Variants in TACC2 observed in about 807,000 individuals in gnomAD.
TACC2 encodes the protein transforming acidic coiled-coil-containing protein 2.
A neutral mutation model predicts 227.3 loss-of-function variants in TACC2; 137 were observed. The ratio of observed to expected loss-of-function variants is 0.60; its 90% confidence interval spans 0.52 to 0.69. The LOEUF (loss-of-function observed/expected upper bound fraction) is 0.69. Among genes scored for constraint, TACC2 ranks in the 30% least tolerant of loss-of-function variants. TACC2 has a pLI of 0.00. For synonymous variants in TACC2, 1,523 were observed against 1,487.5 expected, an observed-to-expected ratio of 1.02 and a Z score of -0.55; for missense variants, 3,470 against 3,694.4, an observed-to-expected ratio of 0.94 and a Z score of 1.57.
chr10:122,176,726 C>T (rs558791640), intron 7 of TACC2, among the ~76,000 whole-genome samples: 2 of 152,322 alleles, frequency 1.3e-5, no homozygotes, highest in Admixed American at 1.3e-4. Flanking sequence ...GGAAAACTGG[C>T]TTCCTCCACC....
intron 5 of TACC2, among the ~76,000 whole-genome samples, chr10:122,128,134 C>T (rs543899930): frequency 4.6e-5 from 7 of 152,134 alleles, no homozygotes; most frequent in South Asian, 2.1e-4. Flanking sequence ...TCAGAGTTCT[C>T]GGTGATCAAG....
chr10:122,206,468 T>A (rs1749922680), intron 8 of TACC2, among the ~76,000 whole-genome samples: 1 of 152,128 alleles, frequency 6.6e-6, no homozygotes, highest in Non-Finnish European at 1.5e-5. Flanking sequence ...GGACCAGTGT[T>A]CCTATACGAA....
intron 3 of TACC2, among the ~76,000 whole-genome samples, chr10:122,066,055 CAT>C (rs1355050733): frequency 6.6e-6 from 1 of 151,658 alleles, no homozygotes; most frequent in Non-Finnish European, 1.5e-5. Context: ...TTGTAGGCAG[CAT>C]AGAGTTGGAT....
At chr10:122,002,179 A>G (rs1954456390) in intron 1 of TACC2, among the ~76,000 whole-genome samples, 1 of 152,164 alleles carries the variant, frequency 6.6e-6, no homozygotes, top group Non-Finnish European at 1.5e-5. Context: ...TCTCTCAAGT[A>G]TCTTCTTACA....
At chr10:122,122,491 C>CTTTT (rs368366143) in intron 5 of TACC2, among the ~76,000 whole-genome samples, 3 of 148,262 alleles carry the variant, frequency 2.0e-5, no homozygotes, top group African/African-American at 2.5e-5. Context: ...AAAATAATTC[C>CTTTT]TTTTTTTTTT....
chr10:122,186,979 C>T (rs889163504), intron 7 of TACC2, among the ~76,000 whole-genome samples: 6 of 152,102 alleles, frequency 3.9e-5, no homozygotes, highest in African/African-American at 1.4e-4. Context: ...TCCAGGAAGG[C>T]GTAGCAGGAT....
At chr10:122,157,833 G>T (rs1225094084) in intron 7 of TACC2, among the ~76,000 whole-genome samples, 11 of 146,604 alleles carry the variant, frequency 7.5e-5, no homozygotes. Flanking sequence ...GCCAGCAATG[G>T]TGTGTTTAAA....
At chr10:122,249,873 C>T (rs559072198) in intron 22 of TACC2, among the ~76,000 whole-genome samples, 1 of 152,378 alleles carries the variant, frequency 6.6e-6, no homozygotes, top group East Asian at 1.9e-4. Context: ...CCTGGAACTG[C>T]AGCCTGCATG....
chr10:122,026,446 T>G (rs1224777710), intron 2 of TACC2, among the ~76,000 whole-genome samples: 1 of 53,290 alleles, frequency 1.9e-5, no homozygotes. Context: ...TTTTCTGCTA[T>G]TTTTTTTTTT....
chr10:122,241,820 C>T lies in TACC2; in HGVS notation c.8349-138C>T, dbSNP rs951525043. The T allele has an allele frequency of 5.4e-5, 42 of 773,404 alleles. No homozygotes were observed. The South Asian group carries it at 5.8e-4, about 11-fold the overall frequency. 47.9% of individuals were successfully genotyped at this position (773,404 alleles called of 1,614,324 possible). Reference sequence around the variant, plus strand: ...GTCACGCACCAGGAAAATGAGCGTGCAGGGCGAGGGCTGACATTGAAGGTG... The same window carrying T: ...GTCACGCACCAGGAAAATGAGCGTGTAGGGCGAGGGCTGACATTGAAGGTG... On this transcript the variant is annotated intron_variant, in intron 18 of 22. Coordinates refer to ENST00000369005, the MANE Select transcript of TACC2 (RefSeq NM_206862.4).
chr10:122,067,808 G>A (rs1213988780), intron 3 of TACC2, among the ~76,000 whole-genome samples: 1 of 152,204 alleles, frequency 6.6e-6, no homozygotes, highest in African/African-American at 2.4e-5. Flanking sequence ...CCTGAACACC[G>A]GCCCTCGCTG....
rs151027528 is a variant in TACC2, at chr10:122,205,658, A to C, written c.5972-4739A>C. On this transcript the variant is annotated intron_variant, in intron 8 of 22. Coordinates refer to ENST00000369005, the MANE Select transcript of TACC2 (RefSeq NM_206862.4). This position sits in a 1 kb window ranked among gnomAD's most constrained non-coding sequence, Gnocchi z 4.5. ...AGGCGCACCTGTGGCACCTGTTACG[A>C]TGGGGGCCCTGAGCCCCCACCCCAG... 1.8e-4 allele frequency among the ~76,000 whole-genome samples: 28 copies of C among 152,298 alleles called. No homozygotes were observed. Among genetic ancestry groups the C allele is most frequent in the African/African-American group, 6.3e-4 (26 of 41,580 alleles).
chr10:122,016,273 GA>G (rs67951878), intron 1 of TACC2, among the ~76,000 whole-genome samples: 75,554 of 122,638 alleles, frequency 0.62, 22,002 homozygotes, highest in African/African-American at 0.71. Flanking sequence ...AAAAAAAAAG[GA>G]AAAAAAAAAA....
intron 2 of TACC2, among the ~76,000 whole-genome samples, chr10:122,030,581 A>G (rs1958815285): frequency 6.6e-6 from 1 of 152,058 alleles, no homozygotes; most frequent in African/African-American, 2.4e-5. Flanking sequence ...CTCACCTCCT[A>G]CCAGCTCCTG....
intron 7 of TACC2, among the ~76,000 whole-genome samples, chr10:122,166,586 G>A (rs2093174946): frequency 6.6e-6 from 1 of 152,116 alleles, no homozygotes; most frequent in Non-Finnish European, 1.5e-5. Flanking sequence ...CTTCCCAAAG[G>A]GGCTTGCTAG....
intron 7 of TACC2, among the ~76,000 whole-genome samples, chr10:122,183,998 G>A (rs2094079860): frequency 6.6e-6 from 1 of 152,174 alleles, no homozygotes; most frequent in Non-Finnish European, 1.5e-5. Context: ...CTGAAACCGT[G>A]AATAGTCAGG....
At chr10:122,029,893 A>G (rs1008462073) in intron 2 of TACC2, among the ~76,000 whole-genome samples, 1 of 150,294 alleles carries the variant, frequency 6.7e-6, no homozygotes, top group Non-Finnish European at 1.5e-5. Context: ...ACTGGCTGCA[A>G]ACAAGATAGA....
In TACC2 at chr10:122,178,729, C is replaced by T. The variant is rs779059604; in HGVS notation, c.5835-16311C>T. Among the ~76,000 whole-genome samples the T allele has an allele frequency of 8.9e-4, 136 of 152,050 alleles. 1 individual carries two copies. The highest frequency in any genetic ancestry group is 1.4e-3 in the Non-Finnish European group (97 of 68,002). On this transcript the variant is annotated intron_variant, in intron 7 of 22. Transcript: ENST00000369005. ...TGAAACCTCGTCTCTACTAAAATTA[C>T]AAAAAATCAGCCATGGGGTTGTGCG...
rs769340180 is a variant in TACC2, at chr10:122,132,711, C to G, written c.5676C>G (p.Val1892=). ...ACCACGGTGATGTTGTTGGCCAGGTCTCTACGGATCTGATAGCCCAGAGGT... is the reference window on the plus strand; with the variant it reads ...ACCACGGTGATGTTGTTGGCCAGGTGTCTACGGATCTGATAGCCCAGAGGT... The part of the protein sequence containing the change: ...SSYHGDVVGQ[V]STDLIAQSIS... Residue 1892 remains valine (V), a synonymous_variant, in exon 6 of 23, where the codon GTC becomes GTG. Transcript: ENST00000369005. The G allele has an allele frequency of 4.8e-5, 77 of 1,614,062 alleles. 1 individual carries two copies. The South Asian group carries it at 8.0e-4, about 17-fold the overall frequency.
Sources: gnomAD v4.1 joint callset for allele counts (sites outside exome capture counted in the v4.1 genomes callset) on GRCh38, gnomAD v4.1.1 for gene constraint, Gnocchi (gnomAD v3.1) non-coding constraint, MANE v1.5 for transcripts, NCBI Gene and HGNC (gene_info 2026-07-23, HGNC 2026-07-21) for gene names.